The following APMAP variants were observed in gnomAD, a reference collection of about 807,000 sequenced individuals.
APMAP encodes the protein adipocyte plasma membrane-associated protein.
APMAP carries 33 observed loss-of-function variants against 43.6 expected under a neutral mutation model. The observed-to-expected ratio is 0.76, with a 90% CI of 0.57 to 1.01. APMAP has a LOEUF of 1.01. APMAP is among the 50% of genes least tolerant of loss of function. APMAP has a pLI of 0.00. For synonymous variants in APMAP, 224 were observed against 216.7 expected (o/e 1.03, Z -0.30); for missense variants, 498 against 540.7 (o/e 0.92, Z 0.78).
intron 3 of APMAP, among the ~76,000 whole-genome samples, chr20:24,975,515 G>T (rs1021398910): frequency 6.6e-6 from 1 of 152,122 alleles, no homozygotes; most frequent in Admixed American, 6.5e-5. Flanking sequence ...TCTGATGAAA[G>T]AAATCAAAGA....
chr20:24,982,859 C>T (rs2088117563), intron 2 of APMAP, among the ~76,000 whole-genome samples: 2 of 152,030 alleles, frequency 1.3e-5, no homozygotes, highest in Non-Finnish European at 2.9e-5. Context: ...CCCCTGACGC[C>T]CCTCCTTTGG....
chr20:24,982,531 A>G (rs955910119), intron 2 of APMAP, among the ~76,000 whole-genome samples: 1 of 152,068 alleles, frequency 6.6e-6, no homozygotes, highest in Non-Finnish European at 1.5e-5. Flanking sequence ...CCATTTCCCA[A>G]TGCATTTCTT....
intron 8 of APMAP, among the ~76,000 whole-genome samples, chr20:24,966,280 G>A (rs553869765): frequency 4.6e-5 from 7 of 152,330 alleles, no homozygotes; most frequent in African/African-American, 1.7e-4. Flanking sequence ...GGTAATTTGA[G>A]CATCAAAATC....
chr20:24,965,360 T>C (rs1219003267), intron 8 of APMAP, among the ~76,000 whole-genome samples: 1 of 152,274 alleles, frequency 6.6e-6, no homozygotes, highest in Non-Finnish European at 1.5e-5. Flanking sequence ...GCTGTTCTCC[T>C]TGCAGTAGCT....
chr20:24,969,069 G>A lies in APMAP; in HGVS notation c.864C>T (p.Gly288=). The A allele has an allele frequency of 1.2e-6, 2 of 1,601,432 alleles. No homozygotes were observed. The highest frequency in any genetic ancestry group is 1.7e-6 in the Non-Finnish European group (2 of 1,175,022). ...ACAGATCAGCCCCGCCCTTCATCAG[G>A]CCAGAAACGTAGACTCTGAAAAATT... ...MARIRRVYVS[G]LMKGGADLFV... is the part of the protein sequence containing the mutation. The change falls in exon 8 of 9, where the codon GGC becomes GGT. Residue 288 remains glycine, a synonymous_variant. Transcript: ENST00000217456.
intron 5 of APMAP, among the ~76,000 whole-genome samples, chr20:24,970,936 G>A (rs769497933): frequency 6.6e-5 from 10 of 152,118 alleles, no homozygotes; most frequent in Non-Finnish European, 1.5e-4. Context: ...TGGGCTGCAG[G>A]GCCTATGTTC....
intron 2 of APMAP, among the ~76,000 whole-genome samples, chr20:24,981,893 G>A (rs1478047225): frequency 6.6e-6 from 1 of 152,204 alleles, no homozygotes; most frequent in Non-Finnish European, 1.5e-5. Context: ...CAGAGTGACT[G>A]TGGGCTGAGA....
intron 5 of APMAP, among the ~76,000 whole-genome samples, chr20:24,970,601 T>A (rs1208310339): frequency 6.6e-6 from 1 of 152,226 alleles, no homozygotes; most frequent in African/African-American, 2.4e-5. Flanking sequence ...GAATTCCTTC[T>A]TTTACTAAGG....
rs556472128 is a variant in APMAP at position 24,966,801 on chromosome 20, G to A, written c.1041+2091C>T. 3.3e-5 allele frequency among the ~76,000 whole-genome samples: 5 copies of A among 152,262 alleles called. No individual in the cohort carries two copies. In the South Asian group the frequency reaches 8.3e-4, roughly 25 times the overall value. On this transcript the variant is annotated intron_variant, in intron 8 of 8. Coordinates refer to ENST00000217456, the MANE Select transcript of APMAP (RefSeq NM_020531.3). ...AAAATCTGAATGGGGCCTGCAGACC[G>A]GACAGTCACAGGGGAGCTGTGGGCA...
intron 3 of APMAP, 23 bp downstream of exon 3, chr20:24,978,744 C>CA (rs1555845601): frequency 3.8e-6 from 5 of 1,311,064 alleles, no homozygotes; most frequent in South Asian, 1.2e-5. Context: ...GAAGGCTCCC[C>CA]CCCCACCCAA....
At chr20:24,992,562 G>A (rs984085604) in intron 1 of APMAP, 32 bp downstream of exon 1, 1 of 1,461,388 alleles carries the variant, frequency 6.8e-7, no homozygotes, top group Non-Finnish European at 9.1e-7. Context: ...TAGCGGCCCG[G>A]CTCCAGCGCC....
rs562213785 is a variant in APMAP at position 24,985,664 on chromosome 20, T to C, written c.96-1645A>G. ...AAGTGGGGTGTTGCTGTAACAGATA[T>C]CTAAAAAAATGTGGAAGTAGCTTTG... On this transcript the variant is annotated intron_variant, in intron 1 of 8. Coordinates refer to ENST00000217456, the MANE Select transcript of APMAP (RefSeq NM_020531.3). Among the ~76,000 whole-genome samples the C allele has an allele frequency of 2.3e-3, 357 of 152,180 alleles. 2 individuals are homozygous for C. Among genetic ancestry groups the C allele is most frequent in the African/African-American group, 8.3e-3 (346 of 41,508 alleles).
At chr20:24,981,449 A>G (rs1361667015) in intron 2 of APMAP, among the ~76,000 whole-genome samples, 1 of 152,244 alleles carries the variant, frequency 6.6e-6, no homozygotes, top group East Asian at 1.9e-4. Flanking sequence ...ACTTCTGAGA[A>G]CCAGCTCTCT....
Position 24,978,859 on chromosome 20 carries a change from A to G in APMAP, c.236T>C (p.Leu79Pro). 1 of 1,613,828 alleles carries G rather than the reference A, an allele frequency of 6.2e-7. No homozygotes were observed. The highest frequency in any genetic ancestry group is 8.5e-7 in the Non-Finnish European group (1 of 1,179,806). The change falls in exon 3 of 9, where the codon CTT (leucine) becomes CCT (proline). Residue 79 changes from leucine (L) to proline (P), a missense_variant. Coordinates refer to ENST00000217456, the MANE Select transcript of APMAP (RefSeq NM_020531.3). The part of the protein sequence containing the change: ...PLSFKEPPLL[L>P]GVLHPNTKLR... Reference sequence around the variant, plus strand: ...CTTCGTATTTGGATGCAGAACACCAAGCAAGAGCGGGGGTTCTTTGAAGCT... The same window carrying G: ...CTTCGTATTTGGATGCAGAACACCAGGCAAGAGCGGGGGTTCTTTGAAGCT...
intron 2 of APMAP, among the ~76,000 whole-genome samples, chr20:24,983,136 A>C (rs980025708): frequency 6.6e-6 from 1 of 152,250 alleles, no homozygotes; most frequent in African/African-American, 2.4e-5. Flanking sequence ...CGGATCCAAT[A>C]TAAAGCCTTA....
intron 1 of APMAP, among the ~76,000 whole-genome samples, chr20:24,991,543 G>A (rs2088192277): frequency 6.6e-6 from 1 of 152,108 alleles, no homozygotes; most frequent in Non-Finnish European, 1.5e-5. Flanking sequence ...TCCTGCCATC[G>A]CTCTCCTTCA....
chr20:24,976,601 T>C (rs1403849429), intron 3 of APMAP, among the ~76,000 whole-genome samples: 1 of 152,212 alleles, frequency 6.6e-6, no homozygotes, highest in Non-Finnish European at 1.5e-5. Context: ...GGAAGGCAAA[T>C]GGTACAGCCA....
rs752414551 is a variant in APMAP at position 24,971,570 on chromosome 20, C to T, written c.428G>A (p.Arg143Gln). Residue 143 changes from arginine (R) to glutamine (Q), a missense_variant, in exon 5 of 9, where the codon CGA becomes CAA. Transcript: ENST00000217456. The stretch of plus-strand genomic sequence containing the variant: ...TCTCCCACACACAGGCTCATCATCT[C>T]GGGTTTCTAGAAAAACAAACAGATG... ...ARFGSGPCKT[R>Q]DDEPVCGRPL... 1.7e-5 allele frequency: 28 copies of T among 1,613,856 alleles called. No homozygotes were observed. Among genetic ancestry groups the T allele is most frequent in the Non-Finnish European group, 2.1e-5 (25 of 1,179,878 alleles).
At chr20:24,987,264 C>G (rs2122530310) in intron 1 of APMAP, among the ~76,000 whole-genome samples, 1 of 152,320 alleles carries the variant, frequency 6.6e-6, no homozygotes, top group East Asian at 1.9e-4. Context: ...GCTAGGACTA[C>G]AGGTGTGCAC....
Sources: gnomAD v4.1 joint callset for allele counts (sites outside exome capture counted in the v4.1 genomes callset) on GRCh38, gnomAD v4.1.1 for gene constraint, MANE v1.5 for transcripts, NCBI Gene and HGNC (gene_info 2026-07-23, HGNC 2026-07-21) for gene names.